Variants in CCDC7 observed in about 807,000 individuals in gnomAD.
CCDC7 encodes the protein coiled-coil domain-containing protein 7.
CCDC7 carries 183 observed loss-of-function variants against 196.9 expected under a neutral mutation model. The observed-to-expected ratio is 0.93, with a 90% CI of 0.82 to 1.05. The LOEUF is 1.05. Ranked by LOEUF, CCDC7 falls within the 50% of genes least tolerant of loss-of-function variation. The pLI, the probability that CCDC7 is intolerant of heterozygous loss-of-function variation, is 0.00. For synonymous variants in CCDC7, 525 were observed against 484.6 expected, an observed-to-expected ratio of 1.08 and a Z score of -1.10; for missense variants, 1,540 against 1,482.2, an observed-to-expected ratio of 1.04 and a Z score of -0.64.
Position 32,492,016 on chromosome 10 carries a change from G to T in CCDC7, c.872+19G>T. 1 of 1,505,110 alleles carries T rather than the reference G, an allele frequency of 6.6e-7. No individual in the cohort carries two copies. The highest frequency in any genetic ancestry group is 8.8e-7 in the Non-Finnish European group (1 of 1,133,390). The allele number at this position is 1,505,110 out of a possible 1,614,324, so 93.2% of individuals were successfully genotyped here. A position where few individuals can be genotyped will look rare whatever the true frequency, so the allele number is the denominator to read the frequency against. ...TGGAGAGGTAAGCTTTTTTGTTTTT[G>T]CATTTTATTATTTTTCTATTTTTAA... On this transcript the variant is annotated intron_variant, in intron 9 of 41. Transcript: ENST00000639629.
chr10:32,486,851 C>T (rs11008950), intron 8 of CCDC7, among the ~76,000 whole-genome samples: 29,363 of 151,314 alleles, frequency 0.19, 3,452 homozygotes, highest in East Asian at 0.5. Context: ...GAGTTTCTGC[C>T]GAGAGATCAG....
intron 13 of CCDC7, among the ~76,000 whole-genome samples, chr10:32,559,394 C>T (rs1371837293): frequency 6.6e-6 from 1 of 152,200 alleles, no homozygotes; most frequent in African/African-American, 2.4e-5. Flanking sequence ...GACCCCTGAC[C>T]CCAGAGCAGC....
intron 21 of CCDC7, among the ~76,000 whole-genome samples, chr10:32,684,685 G>T (rs764520746): frequency 1.3e-5 from 2 of 152,212 alleles, no homozygotes; most frequent in African/African-American, 2.4e-5. Flanking sequence ...CACACTAGCT[G>T]CTTCTAGTCA....
At chr10:32,839,371 A>G (rs972623968) in intron 33 of CCDC7, among the ~76,000 whole-genome samples, 1 of 151,844 alleles carries the variant, frequency 6.6e-6, no homozygotes, top group African/African-American at 2.4e-5. Flanking sequence ...CTTACATTAG[A>G]CAAAACAAAC....
intron 8 of CCDC7, among the ~76,000 whole-genome samples, chr10:32,488,376 C>T (rs979431177): frequency 1.3e-5 from 2 of 152,156 alleles, no homozygotes; most frequent in Non-Finnish European, 2.9e-5. Context: ...TTCCAGGTGC[C>T]GTCTGTCACC....
At chr10:32,759,098 TCAAA>T (rs2076979799) in intron 28 of CCDC7, among the ~76,000 whole-genome samples, 2 of 151,984 alleles carry the variant, frequency 1.3e-5, no homozygotes, top group African/African-American at 4.8e-5. Flanking sequence ...AAAAGAGGAC[TCAAA>T]CAAATGGAAG....
intron 18 of CCDC7, among the ~76,000 whole-genome samples, chr10:32,620,043 C>A (rs562483219): frequency 9.9e-5 from 15 of 150,954 alleles, no homozygotes; most frequent in Non-Finnish European, 1.9e-4. Flanking sequence ...CTGCCTCAGC[C>A]TCCTGAGTAG....
At chr10:32,507,515 A>G (rs571679315) in intron 9 of CCDC7, among the ~76,000 whole-genome samples, 6 of 152,158 alleles carry the variant, frequency 3.9e-5, no homozygotes, top group South Asian at 2.1e-4. Context: ...CAGTGGTGCA[A>G]TCTTGGCTTA....
chr10:32,557,434 T>C (rs1018476664), intron 13 of CCDC7, among the ~76,000 whole-genome samples: 4 of 152,160 alleles, frequency 2.6e-5, no homozygotes, highest in African/African-American at 9.6e-5. Flanking sequence ...AAAAATATTT[T>C]GTCTACCACT....
chr10:32,482,536 T>G (rs1007153288), intron 8 of CCDC7, among the ~76,000 whole-genome samples: 1 of 152,200 alleles, frequency 6.6e-6, no homozygotes, highest in Non-Finnish European at 1.5e-5. Flanking sequence ...TTAGGGTACA[T>G]GTGCACAACG....
chr10:32,585,361 C>T (rs1301490402), intron 18 of CCDC7, among the ~76,000 whole-genome samples: 1 of 152,172 alleles, frequency 6.6e-6, no homozygotes, highest in African/African-American at 2.4e-5. Flanking sequence ...GCGTGAGCCA[C>T]CGCGCCCAGC....
intron 18 of CCDC7, among the ~76,000 whole-genome samples, chr10:32,587,342 A>T (rs1479810132): frequency 6.6e-6 from 1 of 152,198 alleles, no homozygotes; most frequent in Non-Finnish European, 1.5e-5. Flanking sequence ...CTCTGGCTAC[A>T]GCCTTCTTGC....
intron 31 of CCDC7, among the ~76,000 whole-genome samples, chr10:32,820,765 G>C (rs1173140761): frequency 1.3e-5 from 2 of 152,212 alleles, no homozygotes; most frequent in East Asian, 3.8e-4. Flanking sequence ...CTAGCCATAT[G>C]TAGAAAGCTG....
intron 21 of CCDC7, among the ~76,000 whole-genome samples, chr10:32,671,798 A>C (rs897534445): frequency 3.3e-5 from 5 of 152,094 alleles, no homozygotes; most frequent in African/African-American, 1.2e-4. Context: ...TCTGGCACTC[A>C]TGAGATTGAG....
At chr10:32,706,961 C>G (rs973952005) in intron 24 of CCDC7, among the ~76,000 whole-genome samples, 5 of 152,224 alleles carry the variant, frequency 3.3e-5, no homozygotes, top group African/African-American at 1.2e-4. Flanking sequence ...TCCTCCCCAA[C>G]TCATTTTATG....
At chr10:32,554,778 G>A (rs769862641) in intron 13 of CCDC7, among the ~76,000 whole-genome samples, 3 of 152,052 alleles carry the variant, frequency 2.0e-5, no homozygotes, top group Admixed American at 6.5e-5. Context: ...TTGCCCTGTT[G>A]TGCTATCAAA....
At position 32,876,331 on chromosome 10, in the gene CCDC7, T is replaced by C. The variant is rs774183687; in HGVS notation, c.4112-16T>C. Reference sequence around the variant, plus strand: ...ATTAAACTTTTTTTCAATTAACACATAACTTTTCTTTAAAGTGTTACATGC... The same window carrying C: ...ATTAAACTTTTTTTCAATTAACACACAACTTTTCTTTAAAGTGTTACATGC... On this transcript the variant is annotated splice_polypyrimidine_tract_variant and intron_variant, in intron 41 of 41. Transcript: ENST00000639629. 1.9e-6 allele frequency: 3 copies of C among 1,602,836 alleles called. No individual in the cohort carries two copies. The highest frequency in any genetic ancestry group is 2.6e-6 in the Non-Finnish European group (3 of 1,172,880).
intron 24 of CCDC7, among the ~76,000 whole-genome samples, chr10:32,695,208 G>T (rs1330363051): frequency 1.3e-5 from 2 of 152,140 alleles, no homozygotes; most frequent in Non-Finnish European, 2.9e-5. Flanking sequence ...CATGTGCTCG[G>T]TGTCCACCAA....
intron 31 of CCDC7, among the ~76,000 whole-genome samples, chr10:32,823,354 C>T (rs1442515380): frequency 6.6e-6 from 1 of 152,044 alleles, no homozygotes; most frequent in African/African-American, 2.4e-5. Flanking sequence ...GTTGGCCAGG[C>T]TGGTCTCGAA....
Sources: gnomAD v4.1 joint callset for allele counts (sites outside exome capture counted in the v4.1 genomes callset) on GRCh38, gnomAD v4.1.1 for gene constraint, MANE v1.5 for transcripts, NCBI Gene and HGNC (gene_info 2026-07-23, HGNC 2026-07-21) for gene names.